RBFOX3: variants seen among roughly 807,000 people sequenced by gnomAD.
RBFOX3 encodes RNA binding protein fox-1 homolog 3.
A neutral mutation model predicts 48.7 loss-of-function variants in RBFOX3; 17 were observed. The observed-to-expected ratio is 0.35, with a 90% CI of 0.24 to 0.52. The LOEUF (loss-of-function observed/expected upper bound fraction) is 0.52. Among genes scored for constraint, RBFOX3 ranks in the 20% least tolerant of loss-of-function variants. The pLI, the probability that RBFOX3 is intolerant of heterozygous loss-of-function variation, is 0.94. For synonymous variants in RBFOX3, 212 were observed against 209.5 expected, an observed-to-expected ratio of 1.01 and a Z score of -0.10; for missense variants, 382 against 497.5, an observed-to-expected ratio of 0.77 and a Z score of 2.21.
intron 4 of RBFOX3, among the ~76,000 whole-genome samples, chr17:79,157,087 C>A (rs985086891): frequency 2.0e-5 from 3 of 152,188 alleles, no homozygotes; most frequent in African/African-American, 4.8e-5. Flanking sequence ...AGGGCAGGGG[C>A]CTCTGGAGGG....
chr17:79,604,762 C>A (rs1193648559), intron 1 of RBFOX3, among the ~76,000 whole-genome samples: 5 of 152,220 alleles, frequency 3.3e-5, no homozygotes, highest in Non-Finnish European at 7.3e-5. Flanking sequence ...CTTCCTAATA[C>A]AAGGAAACCC....
intron 1 of RBFOX3, among the ~76,000 whole-genome samples, chr17:79,583,259 G>A (rs1025129446): frequency 2.6e-5 from 4 of 152,198 alleles, no homozygotes; most frequent in Non-Finnish European, 5.9e-5. Context: ...ATGCTTTGAG[G>A]ATGCAGTAAG....
At chr17:79,211,932 G>A (rs897002673) in intron 4 of RBFOX3, among the ~76,000 whole-genome samples, 1 of 152,266 alleles carries the variant, frequency 6.6e-6, no homozygotes, top group East Asian at 1.9e-4. Context: ...GGATACGTGG[G>A]GGGGAACAAG....
rs112751454 is a variant in RBFOX3, at chr17:79,256,900, C to T, written c.-73-21095G>A. On this transcript the variant is annotated intron_variant, in intron 3 of 14. Coordinates refer to ENST00000693108, the MANE Select transcript of RBFOX3 (RefSeq NM_001350451.2). ...TTGTGCCACTGCACTCCAGCCTGGG[C>T]GACAGAGTGAGACACCATCTCAAAA... Among the ~76,000 whole-genome samples, 741 of 150,840 alleles carry T rather than the reference C, an allele frequency of 4.9e-3. 2 individuals are homozygous for T. The highest frequency in any genetic ancestry group is 0.016 in the African/African-American group (672 of 40,932).
At chr17:79,194,070 A>C (rs2055049382) in intron 4 of RBFOX3, among the ~76,000 whole-genome samples, 1 of 152,112 alleles carries the variant, frequency 6.6e-6, no homozygotes, top group African/African-American at 2.4e-5. Context: ...CTGTGGGTTC[A>C]TTTTCCTTGG....
At chr17:79,270,675 T>C (rs1350752423) in intron 3 of RBFOX3, among the ~76,000 whole-genome samples, 1 of 152,258 alleles carries the variant, frequency 6.6e-6, no homozygotes, top group African/African-American at 2.4e-5. Context: ...AAGAGAGCGA[T>C]GTAGGCAGAG....
intron 2 of RBFOX3, among the ~76,000 whole-genome samples, chr17:79,475,731 A>G (rs2149417925): frequency 6.6e-6 from 1 of 152,330 alleles, no homozygotes; most frequent in African/African-American, 2.4e-5. Context: ...GACAGGATAC[A>G]CAGGCATGGG....
chr17:79,603,139 C>T (rs1201469151), intron 1 of RBFOX3, among the ~76,000 whole-genome samples: 4 of 152,082 alleles, frequency 2.6e-5, no homozygotes, highest in African/African-American at 9.7e-5. Flanking sequence ...TATAGGCGTG[C>T]ACCATCATAC....
At chr17:79,091,621 G>A (rs1237114209) in intron 14 of RBFOX3, among the ~76,000 whole-genome samples, 1 of 152,204 alleles carries the variant, frequency 6.6e-6, no homozygotes, top group Non-Finnish European at 1.5e-5. Flanking sequence ...ACCGGCCTGC[G>A]CTCAGGGGAG....
Position 79,477,257 on chromosome 17 carries a change from TAAAAAAA to T in RBFOX3, c.-175+5190_-175+5196del, listed in dbSNP as rs138984353. Among the ~76,000 whole-genome samples the T allele has an allele frequency of 7.1e-5, 8 of 113,320 alleles. No homozygotes were observed. Among genetic ancestry groups the T allele is most frequent in the African/African-American group, 2.4e-4 (7 of 28,596 alleles). 74.3% of individuals were successfully genotyped at this position (113,320 alleles called of 152,430 possible). On this transcript the variant is annotated intron_variant, in intron 2 of 14. Transcript: ENST00000693108. The surrounding 1 kb of genome is among the most constrained non-coding windows in gnomAD (Gnocchi z 4.8). ...CAAAAAAAAATAAATAAAGATAAATTAAAAAAAAAAAAAAAAAAAGAGGGCGCGGTGG... is the reference window on the plus strand; with the variant it reads ...CAAAAAAAAATAAATAAAGATAAATTAAAAAAAAAAAAGAGGGCGCGGTGG...
chr17:79,169,644 GC>G (rs1422891439), intron 4 of RBFOX3, among the ~76,000 whole-genome samples: 3 of 152,208 alleles, frequency 2.0e-5, no homozygotes, highest in Admixed American at 6.5e-5. Flanking sequence ...GCATGAGGCA[GC>G]CCCAAAAGGC....
At chr17:79,435,579 T>G (rs1555730644) in intron 2 of RBFOX3, among the ~76,000 whole-genome samples, 1 of 152,152 alleles carries the variant, frequency 6.6e-6, no homozygotes, top group African/African-American at 2.4e-5. Context: ...AGTAAATGTG[T>G]CAACAGGAGG....
intron 4 of RBFOX3, among the ~76,000 whole-genome samples, chr17:79,217,971 C>T (rs747693332): frequency 5.9e-5 from 9 of 151,644 alleles, no homozygotes; most frequent in Non-Finnish European, 8.8e-5. Flanking sequence ...GAGATTTGAT[C>T]GGGGCAGGCG....
intron 2 of RBFOX3, among the ~76,000 whole-genome samples, chr17:79,372,139 G>A (rs2058633846): frequency 6.6e-6 from 1 of 152,016 alleles, no homozygotes. Flanking sequence ...TCAGCAATGC[G>A]CTGCCCGGTG....
chr17:79,225,934 G>C (rs892890219), intron 4 of RBFOX3, among the ~76,000 whole-genome samples: 1 of 152,100 alleles, frequency 6.6e-6, no homozygotes, highest in Non-Finnish European at 1.5e-5. Flanking sequence ...AGTGGTGGGG[G>C]AAGCAGGATG....
intron 3 of RBFOX3, among the ~76,000 whole-genome samples, chr17:79,286,626 C>T (rs550281888): frequency 1.3e-5 from 2 of 152,354 alleles, no homozygotes; most frequent in Admixed American, 6.5e-5. Flanking sequence ...CCAGCCACCC[C>T]GAGAGAGCTG....
At chr17:79,410,610 C>A (rs529208666) in intron 2 of RBFOX3, among the ~76,000 whole-genome samples, 1 of 152,150 alleles carries the variant, frequency 6.6e-6, no homozygotes, top group Non-Finnish European at 1.5e-5. Context: ...CCACTGGTGG[C>A]GTGAAAGTGG....
intron 3 of RBFOX3, among the ~76,000 whole-genome samples, chr17:79,289,567 G>C (rs1300182284): frequency 6.6e-6 from 1 of 152,190 alleles, no homozygotes; most frequent in Non-Finnish European, 1.5e-5. Flanking sequence ...GTTGGTGACA[G>C]CCCAGGGACT....
intron 2 of RBFOX3, among the ~76,000 whole-genome samples, chr17:79,381,422 C>T (rs986324036): frequency 2.6e-5 from 4 of 152,164 alleles, no homozygotes; most frequent in African/African-American, 4.8e-5. Flanking sequence ...TGAAGCCCAG[C>T]GCGTGTGTCC....
Sources: gnomAD v4.1 joint callset for allele counts (sites outside exome capture counted in the v4.1 genomes callset) on GRCh38, gnomAD v4.1.1 for gene constraint, Gnocchi (gnomAD v3.1) non-coding constraint, MANE v1.5 for transcripts, NCBI Gene and HGNC (gene_info 2026-07-23, HGNC 2026-07-21) for gene names.